Variants in ZNF469 observed in about 807,000 individuals in gnomAD.
ZNF469 encodes zinc finger protein 469.
ZNF469 carries 1 observed loss-of-function variant against 1.0 expected under a neutral mutation model. The observed-to-expected ratio is 1.00, with a 90% CI of 0.35 to 4.73. The LOEUF is 4.73. Ranked by LOEUF, ZNF469 falls within the 30% of genes most tolerant of loss-of-function variation. The pLI is 0.16. For synonymous variants in ZNF469, 2,703 were observed against 2,363.4 expected (o/e 1.14, Z -4.17); for missense variants, 6,100 against 5,356.3 (o/e 1.14, Z -4.33).
chr16:88,318,381 T>C, the ZNF469 span, among the ~76,000 whole-genome samples: 1 of 151,754 alleles, frequency 6.6e-6, no homozygotes, highest in African/African-American at 2.4e-5. Context: ...CTCCATGCTC[T>C]GTGCCCATTC....
the ZNF469 span, among the ~76,000 whole-genome samples, chr16:88,372,674 C>G: frequency 6.7e-6 from 1 of 148,488 alleles, no homozygotes; most frequent in Non-Finnish European, 1.5e-5. Context: ...TCACCATCAT[C>G]ACCACCATCA....
chr16:88,210,992 G>A, the ZNF469 span, among the ~76,000 whole-genome samples: 5 of 152,390 alleles, frequency 3.3e-5, no homozygotes, highest in African/African-American at 1.2e-4. Flanking sequence ...ATTAACTTCA[G>A]GAGAACCGAT....
chr16:88,245,737 G>A, the ZNF469 span, among the ~76,000 whole-genome samples: 6 of 152,280 alleles, frequency 3.9e-5, no homozygotes, highest in Non-Finnish European at 7.3e-5. Context: ...CAGATCACAC[G>A]GTGGGCAGGG....
the ZNF469 span, among the ~76,000 whole-genome samples, chr16:88,299,426 C>G: frequency 2.6e-5 from 4 of 152,118 alleles, no homozygotes; most frequent in Middle Eastern, 3.2e-3. Context: ...CTCCAGGTGC[C>G]GGCAGCACTG....
chr16:88,380,137 ACACACT>A (rs143500795), upstream of ZNF469, among the ~76,000 whole-genome samples: 21,926 of 128,220 alleles, frequency 0.17, 2,214 homozygotes, highest in African/African-American at 0.34. Flanking sequence ...ACACACAGAC[ACACACT>A]CACACACAAA....
At chr16:88,148,328 A>G in the ZNF469 span, among the ~76,000 whole-genome samples, 1 of 152,210 alleles carries the variant, frequency 6.6e-6, no homozygotes, top group African/African-American at 2.4e-5. Context: ...TGAATGCCCC[A>G]GCACAGGAGG....
the ZNF469 span, among the ~76,000 whole-genome samples, chr16:88,228,281 G>C: frequency 1.3e-5 from 2 of 152,250 alleles, no homozygotes; most frequent in African/African-American, 4.8e-5. Context: ...CCGAGCAACG[G>C]GATGAGGGCC....
chr16:88,221,159 G>A, the ZNF469 span, among the ~76,000 whole-genome samples: 7 of 152,338 alleles, frequency 4.6e-5, no homozygotes, highest in African/African-American at 7.2e-5. Flanking sequence ...CCGCTGGCAC[G>A]TTCTGGATAG....
chr16:88,319,186 G>A, the ZNF469 span, among the ~76,000 whole-genome samples: 1 of 152,158 alleles, frequency 6.6e-6, no homozygotes, highest in Non-Finnish European at 1.5e-5. Flanking sequence ...GATGGAAGAG[G>A]GTCTGGGTGT....
At chr16:88,193,249 ATGGTGGTGATGGTGGTAG>A in the ZNF469 span, among the ~76,000 whole-genome samples, 1 of 63,612 alleles carries the variant, frequency 1.6e-5, no homozygotes, top group East Asian at 6.5e-4. Context: ...GGTGGTGGTG[ATGGTGGTGATGGTGGTAG>A]TGGTGATGGT....
At chr16:88,192,252 G>A in the ZNF469 span, 2 of 152,270 alleles carry the variant, frequency 1.3e-5, no homozygotes, top group Admixed American at 6.5e-5. Context: ...CCTGCAGGGA[G>A]ATGGAGCAGG....
chr16:88,144,299 G>A, the ZNF469 span, among the ~76,000 whole-genome samples: 1 of 152,158 alleles, frequency 6.6e-6, no homozygotes, highest in Non-Finnish European at 1.5e-5. Flanking sequence ...TTTAACTTCG[G>A]GAACCATGCA....
intron 1 of ZNF469, among the ~76,000 whole-genome samples, chr16:88,403,819 C>G (rs768912833): frequency 1.3e-5 from 2 of 152,208 alleles, no homozygotes; most frequent in Non-Finnish European, 2.9e-5. Flanking sequence ...GCCTCCCGCC[C>G]CCACTCAGCT....
chr16:88,344,863 G>T, the ZNF469 span, among the ~76,000 whole-genome samples: 1 of 152,212 alleles, frequency 6.6e-6, no homozygotes. Context: ...TGGGTCCCGC[G>T]TGTCGAACCC....
the ZNF469 span, among the ~76,000 whole-genome samples, chr16:88,373,013 ACCATCATCG>A: frequency 6.6e-6 from 1 of 152,202 alleles, no homozygotes; most frequent in African/African-American, 2.4e-5. Flanking sequence ...TACCATCTTC[ACCATCATCG>A]CCATCATCCT....
the ZNF469 span, among the ~76,000 whole-genome samples, chr16:88,111,961 C>G: frequency 6.6e-6 from 1 of 152,172 alleles, no homozygotes; most frequent in East Asian, 1.9e-4. Flanking sequence ...TCTTTCCATC[C>G]CTTGATTATT....
chr16:88,367,930 C>T, the ZNF469 span, among the ~76,000 whole-genome samples: 1 of 152,232 alleles, frequency 6.6e-6, no homozygotes, highest in South Asian at 2.1e-4. Flanking sequence ...AGCGCCAGCT[C>T]TACGGCAAAC....
chr16:88,206,409 A>C, the ZNF469 span, among the ~76,000 whole-genome samples: 1 of 152,154 alleles, frequency 6.6e-6, no homozygotes, highest in Admixed American at 6.5e-5. Context: ...CACCGCAGAT[A>C]CCTCAGGTGT....
At chr16:88,300,894 G>C in the ZNF469 span, among the ~76,000 whole-genome samples, 1,057 of 152,130 alleles carry the variant, frequency 6.9e-3, 15 homozygotes, top group African/African-American at 0.024. Context: ...GTGAAACCGC[G>C]TCTCTACTGA....
Sources: allele counts gnomAD v4.1 joint callset (sites outside exome capture counted in the v4.1 genomes callset), GRCh38; gene constraint gnomAD v4.1.1; transcripts MANE v1.5; gene names NCBI Gene and HGNC (gene_info 2026-07-23, HGNC 2026-07-21).